Variants in PRKN observed in about 807,000 individuals in gnomAD.
The protein encoded by PRKN is parkin RBR E3 ubiquitin protein ligase.
PRKN carries 56 observed loss-of-function variants against 59.5 expected under a neutral mutation model. The observed-to-expected ratio is 0.94, with a 90% CI of 0.76 to 1.18. The LOEUF (loss-of-function observed/expected upper bound fraction) is 1.18, where lower values mean the gene tolerates loss of function less well. Ranked by LOEUF, PRKN falls within the 50% of genes most tolerant of loss-of-function variation. The pLI is 0.00. For synonymous variants in PRKN, 250 were observed against 222.1 expected, an observed-to-expected ratio of 1.13 and a Z score of -1.12; for missense variants, 657 against 596.4, an observed-to-expected ratio of 1.10 and a Z score of -1.06.
At chr6:162,474,906 G>C (rs968381717) in intron 1 of PRKN, among the ~76,000 whole-genome samples, 1 of 152,138 alleles carries the variant, frequency 6.6e-6, no homozygotes. Context: ...AAAAGATGAA[G>C]AGACAAAAAC....
chr6:161,935,559 A>AC (rs1779325320), intron 6 of PRKN, among the ~76,000 whole-genome samples: 1 of 151,280 alleles, frequency 6.6e-6, no homozygotes. Flanking sequence ...GTTTCCAAAA[A>AC]AAAAAAAAAA....
intron 6 of PRKN, among the ~76,000 whole-genome samples, chr6:161,864,400 C>T (rs1794029393): frequency 6.6e-6 from 1 of 152,172 alleles, no homozygotes; most frequent in Non-Finnish European, 1.5e-5. Flanking sequence ...TATGAGATTA[C>T]AGCAATTCAG....
At chr6:162,510,969 T>C (rs891078689) in intron 1 of PRKN, among the ~76,000 whole-genome samples, 2 of 151,990 alleles carry the variant, frequency 1.3e-5, no homozygotes, top group Non-Finnish European at 1.5e-5. Context: ...TACATATATA[T>C]ATATACCCAC....
At chr6:162,515,640 G>A (rs974519849) in intron 1 of PRKN, among the ~76,000 whole-genome samples, 2 of 151,950 alleles carry the variant, frequency 1.3e-5, no homozygotes, top group Non-Finnish European at 2.9e-5. Flanking sequence ...GAAATGAGTT[G>A]GTTATCGGGT....
In PRKN at chr6:161,381,343, A is replaced by G. The variant is rs150139514; in HGVS notation, c.1167+5451T>C. On this transcript the variant is annotated intron_variant, in intron 10 of 11. Coordinates refer to ENST00000366898, the MANE Select transcript of PRKN (RefSeq NM_004562.3). ...CAGCTCCCAAAGACCTGGGTAAAAT[A>G]ATGGTCTGGGGCTTGTCAACTCTAT... 1.8e-3 allele frequency among the ~76,000 whole-genome samples: 268 copies of G among 152,240 alleles called. 3 individuals carry two copies. The highest frequency in any genetic ancestry group is 6.2e-3 in the African/African-American group (257 of 41,548).
chr6:161,780,543 G>T (rs77420591), intron 7 of PRKN, among the ~76,000 whole-genome samples: 2,691 of 152,166 alleles, frequency 0.018, 78 homozygotes, highest in African/African-American at 0.062. Flanking sequence ...TTGGCTAAAA[G>T]AATAATGAAT....
rs1210449553 is a variant in PRKN at position 161,518,408 on chromosome 6, G to A, written c.1083+30446C>T. On this transcript the variant is annotated intron_variant, in intron 9 of 11. Transcript: ENST00000366898. This position sits in a 1 kb window ranked among gnomAD's most constrained non-coding sequence, Gnocchi z 5.0. ...AGCCAGTAGCCAGGCGTGGTGGTGG[G>A]CGCCTGTAGTCCCAGCTACTTGGGA... Among the ~76,000 whole-genome samples the A allele has an allele frequency of 6.6e-6, 1 of 152,096 alleles. No homozygotes were observed. The highest frequency in any genetic ancestry group is 1.5e-5 in the Non-Finnish European group (1 of 68,006).
intron 4 of PRKN, among the ~76,000 whole-genome samples, chr6:162,151,401 C>G (rs1483986599): frequency 6.6e-6 from 1 of 152,200 alleles, no homozygotes; most frequent in African/African-American, 2.4e-5. Flanking sequence ...ATATGCCAGT[C>G]TCTTTCTACA....
chr6:162,014,017 A>G (rs887887472), intron 5 of PRKN, among the ~76,000 whole-genome samples: 2 of 152,132 alleles, frequency 1.3e-5, no homozygotes, highest in Non-Finnish European at 2.9e-5. Context: ...GGTCAAAGCT[A>G]TACAAAAAGA....
intron 7 of PRKN, among the ~76,000 whole-genome samples, chr6:161,776,408 T>A (rs1019194594): frequency 8.5e-5 from 13 of 152,228 alleles, no homozygotes; most frequent in Non-Finnish European, 4.4e-5. Context: ...TGGCTATGTT[T>A]GTCAATCTTA....
At chr6:162,263,886 AC>A (rs953444899) in intron 2 of PRKN, among the ~76,000 whole-genome samples, 5 of 132,494 alleles carry the variant, frequency 3.8e-5, no homozygotes, top group African/African-American at 8.6e-5. Flanking sequence ...CGCCACCCCC[AC>A]CCCCCCAACC....
chr6:161,976,464 A>AT (rs1353661149), intron 5 of PRKN, among the ~76,000 whole-genome samples: 1 of 152,200 alleles, frequency 6.6e-6, no homozygotes, highest in African/African-American at 2.4e-5. Context: ...AGTCCTGCCC[A>AT]TGAGTCCAGG....
At chr6:162,174,899 T>G (rs1402651224) in intron 4 of PRKN, among the ~76,000 whole-genome samples, 2 of 152,216 alleles carry the variant, frequency 1.3e-5, no homozygotes, top group Non-Finnish European at 2.9e-5. Context: ...TCTAATATTT[T>G]GGATCATCTT....
intron 1 of PRKN, among the ~76,000 whole-genome samples, chr6:162,517,408 C>T (rs113611895): frequency 0.021 from 3,099 of 149,830 alleles, 110 homozygotes; most frequent in African/African-American, 0.071. Flanking sequence ...CCACCAGGCC[C>T]GACTAATTTG....
At chr6:161,947,800 GACTT>G (rs1304004347) in intron 6 of PRKN, among the ~76,000 whole-genome samples, 2 of 152,102 alleles carry the variant, frequency 1.3e-5, no homozygotes, top group Non-Finnish European at 2.9e-5. Context: ...ACAAATATTT[GACTT>G]ACTCTCACAT....
chr6:161,702,379 C>G (rs114639426), intron 7 of PRKN, among the ~76,000 whole-genome samples: 1,824 of 152,248 alleles, frequency 0.012, 42 homozygotes, highest in African/African-American at 0.042. Context: ...AATTCTGACC[C>G]AGCCTATGAC....
At chr6:162,083,122 T>A (rs1004006507) in intron 4 of PRKN, among the ~76,000 whole-genome samples, 10 of 151,900 alleles carry the variant, frequency 6.6e-5, no homozygotes, top group African/African-American at 2.4e-4. Flanking sequence ...GCCCACCCAG[T>A]TTTGGGACTT....
intron 1 of PRKN, among the ~76,000 whole-genome samples, chr6:162,649,636 G>A (rs1778340270): frequency 6.6e-6 from 1 of 151,784 alleles, no homozygotes; most frequent in Non-Finnish European, 1.5e-5. Flanking sequence ...TCCAGCCTGG[G>A]CAACAGTGCA....
intron 2 of PRKN, among the ~76,000 whole-genome samples, chr6:162,400,952 A>G (rs1434751939): frequency 6.6e-6 from 1 of 152,202 alleles, no homozygotes; most frequent in African/African-American, 2.4e-5. Flanking sequence ...ATTTTAAGCA[A>G]TTCTTGAATA....
Sources: allele counts gnomAD v4.1 joint callset (sites outside exome capture counted in the v4.1 genomes callset), GRCh38; gene constraint gnomAD v4.1.1; non-coding constraint Gnocchi (gnomAD v3.1); transcripts MANE v1.5; gene names NCBI Gene and HGNC (gene_info 2026-07-23, HGNC 2026-07-21).